The following MGAT4D variants were observed in gnomAD, a reference collection of about 807,000 sequenced individuals.
MGAT4D encodes alpha-1,3-mannosyl-glycoprotein 4-beta-N-acetylglucosaminyltransferase-like protein MGAT4D.
Under a neutral mutation model 15.9 loss-of-function variants are expected in MGAT4D, and 34 were observed. That is an observed-to-expected ratio of 2.14 (90% CI 1.62 to 2.84). The LOEUF is 2.84. Among genes scored for constraint, MGAT4D ranks in the 30% most tolerant of loss-of-function variants. The pLI is 0.00. For synonymous variants in MGAT4D, 112 were observed against 48.2 expected (o/e 2.33, Z -5.49); for missense variants, 327 against 140.2 (o/e 2.33, Z -6.73).
At chr4:140,447,086 G>A (rs552960976) in intron 10 of MGAT4D, among the ~76,000 whole-genome samples, 1 of 151,796 alleles carries the variant, frequency 6.6e-6, no homozygotes, top group African/African-American at 2.4e-5. Context: ...GTATGATTTT[G>A]AGGTTTTGTT....
intron 6 of MGAT4D, among the ~76,000 whole-genome samples, chr4:140,464,500 G>T (rs1731398778): frequency 6.6e-6 from 1 of 152,104 alleles, no homozygotes; most frequent in African/African-American, 2.4e-5. Flanking sequence ...CAGTACAGCT[G>T]GGACTAGAAT....
At chr4:140,447,570 A>C (rs182195163) in intron 10 of MGAT4D, among the ~76,000 whole-genome samples, 11 of 152,136 alleles carry the variant, frequency 7.2e-5, no homozygotes, top group African/African-American at 2.4e-4. Context: ...TTCTCCATCC[A>C]TTTATTTTGA....
chr4:140,449,278 A>G (rs1730320018), intron 10 of MGAT4D, among the ~76,000 whole-genome samples: 1 of 152,242 alleles, frequency 6.6e-6, no homozygotes, highest in Admixed American at 6.5e-5. Flanking sequence ...AATGATAAAA[A>G]GCATTTAAAC....
intron 1 of MGAT4D, among the ~76,000 whole-genome samples, chr4:140,482,804 G>A (rs1162167656): frequency 2.6e-5 from 4 of 151,926 alleles, no homozygotes; most frequent in Admixed American, 1.3e-4. Flanking sequence ...CATGGTGTGC[G>A]TGTATCAGAT....
intron 1 of MGAT4D, among the ~76,000 whole-genome samples, chr4:140,495,797 C>T (rs1412777606): frequency 3.9e-5 from 6 of 152,132 alleles, no homozygotes; most frequent in African/African-American, 7.2e-5. Flanking sequence ...AGGGCAGTGG[C>T]GTGATCTCGG....
Position 140,470,815 on chromosome 4 carries a change from G to A in MGAT4D, c.572+960C>T, listed in dbSNP as rs554575473. Among the ~76,000 whole-genome samples, 4 of 151,850 alleles carry A rather than the reference G, an allele frequency of 2.6e-5. No individual in the cohort carries two copies. The South Asian group carries it at 8.3e-4, about 32-fold the overall frequency. On this transcript the variant is annotated intron_variant, in intron 5 of 10. Transcript: ENST00000511113. ...GTAGAGTTAAATTAAATACCTCTTC[G>A]TCTACATGTTGTCATATTTATTCCC...
Position 140,451,574 on chromosome 4 carries a change from G to A in MGAT4D, c.1009-57C>T, listed in dbSNP as rs376928875. On this transcript the variant is annotated intron_variant, in intron 9 of 10. Transcript: ENST00000511113. ...AAACCCAGGTATTGCTTTGTATTGC[G>A]TTTACTGATGGTAGAATTTTTATAT... 33 of 444,306 alleles carry A rather than the reference G, an allele frequency of 7.4e-5. No individual in the cohort carries two copies. The Middle Eastern group carries it at 9.1e-4, about 12-fold the overall frequency. 27.5% of individuals were successfully genotyped at this position (444,306 alleles called of 1,614,324 possible).
chr4:140,456,067 G>T (rs1730775772), intron 9 of MGAT4D, among the ~76,000 whole-genome samples: 1 of 152,196 alleles, frequency 6.6e-6, no homozygotes, highest in South Asian at 2.1e-4. Context: ...AGCCCAGGGA[G>T]GTTGAGGCTG....
intron 5 of MGAT4D, among the ~76,000 whole-genome samples, chr4:140,468,145 A>G (rs372906008): frequency 3.3e-5 from 5 of 151,966 alleles, no homozygotes; most frequent in African/African-American, 1.2e-4. Context: ...TCACATTTTA[A>G]ATTATTGCTT....
chr4:140,486,040 T>C (rs1356092900), intron 1 of MGAT4D, among the ~76,000 whole-genome samples: 2 of 151,944 alleles, frequency 1.3e-5, no homozygotes, highest in Non-Finnish European at 2.9e-5. Context: ...CACAAAGCCC[T>C]GTGTGATCAG....
At chr4:140,455,856 G>T (rs557871735) in intron 9 of MGAT4D, among the ~76,000 whole-genome samples, 1 of 152,032 alleles carries the variant, frequency 6.6e-6, no homozygotes, top group East Asian at 1.9e-4. Flanking sequence ...GCTACTACAA[G>T]CTGGGCATTG....
At chr4:140,457,364 T>C (rs1340688381) in intron 8 of MGAT4D, 1 of 152,138 alleles carries the variant, frequency 6.6e-6, no homozygotes, top group Non-Finnish European at 1.5e-5. Context: ...AATGATTTGA[T>C]AAATATGAAA....
At position 140,456,990 on chromosome 4, in the gene MGAT4D, C is replaced by G. The variant is rs138076767; in HGVS notation, c.878-271G>C. On this transcript the variant is annotated intron_variant, in intron 8 of 10. Coordinates refer to ENST00000511113, the MANE Select transcript of MGAT4D (RefSeq NM_001277353.2). Reference sequence around the variant, plus strand: ...GTGATAACTCATGAGGATTGATTGTCTAAATCAAGTGAAAGACAAGTGAAT... The same window carrying G: ...GTGATAACTCATGAGGATTGATTGTGTAAATCAAGTGAAAGACAAGTGAAT... The G allele has an allele frequency of 2.6e-3, 473 of 182,056 alleles. 2 individuals are homozygous for G. Among genetic ancestry groups the G allele is most frequent in the African/African-American group, 0.01 (441 of 42,808 alleles). 11.3% of individuals were successfully genotyped at this position (182,056 alleles called of 1,614,324 possible). A position where few individuals can be genotyped will look rare whatever the true frequency, so the allele number is the denominator to read the frequency against.
intron 1 of MGAT4D, among the ~76,000 whole-genome samples, chr4:140,486,905 G>A (rs1291878645): frequency 6.6e-6 from 1 of 152,128 alleles, no homozygotes; most frequent in East Asian, 1.9e-4. Context: ...TGATATTAGG[G>A]TTTCCCAGGT....
chr4:140,482,577 A>C, intron 1 of MGAT4D, 92 bp from the exon 2 acceptor site: 3 of 523,498 alleles, frequency 5.7e-6, no homozygotes, highest in Non-Finnish European at 1.0e-5. Context: ...ATAAGTTTCA[A>C]TATAGTTATA....
chr4:140,448,877 C>A (rs528323514), intron 10 of MGAT4D, among the ~76,000 whole-genome samples: 2 of 152,150 alleles, frequency 1.3e-5, no homozygotes, highest in South Asian at 4.1e-4. Context: ...CTTCTACTCC[C>A]TGCCCCTTCA....
At chr4:140,458,265 T>C (rs1730938293) in intron 8 of MGAT4D, 1 of 152,182 alleles carries the variant, frequency 6.6e-6, no homozygotes, top group Non-Finnish European at 1.5e-5. Flanking sequence ...TGATAAGTGA[T>C]AAGTCATCAC....
intron 10 of MGAT4D, among the ~76,000 whole-genome samples, chr4:140,446,827 C>T (rs183819697): frequency 7.7e-4 from 80 of 103,460 alleles, no homozygotes; most frequent in African/African-American, 1.5e-3. Flanking sequence ...TCTAGCTTTT[C>T]GATTTGGGTA....
At chr4:140,481,919 A>G (rs1290451272) in intron 2 of MGAT4D, among the ~76,000 whole-genome samples, 1 of 152,250 alleles carries the variant, frequency 6.6e-6, no homozygotes, top group Non-Finnish European at 1.5e-5. Context: ...ACTCAGGTAA[A>G]GCAGGAAGGT....
Sources: allele counts gnomAD v4.1 joint callset (sites outside exome capture counted in the v4.1 genomes callset), GRCh38; gene constraint gnomAD v4.1.1; transcripts MANE v1.5; gene names NCBI Gene and HGNC (gene_info 2026-07-23, HGNC 2026-07-21).